SMAP1: variants seen among roughly 807,000 people sequenced by gnomAD.
The protein encoded by SMAP1 is stromal membrane-associated protein 1.
A neutral mutation model predicts 58.5 loss-of-function variants in SMAP1; 24 were observed. The ratio of observed to expected loss-of-function variants is 0.41; its 90% CI spans 0.30 to 0.58. SMAP1 has a LOEUF of 0.58. SMAP1 is among the 20% of genes least tolerant of loss of function. The pLI is 0.29. For missense variants in SMAP1, 563 were observed against 566.3 expected (o/e 0.99, Z 0.06); for synonymous variants, 216 against 196.6 (o/e 1.10, Z -0.82).
chr6:70,790,124 T>C (rs1235998858), intron 4 of SMAP1, among the ~76,000 whole-genome samples: 1 of 152,194 alleles, frequency 6.6e-6, no homozygotes, highest in East Asian at 1.9e-4. Flanking sequence ...AAAGTGATCG[T>C]ACGGCTTTTT....
intron 3 of SMAP1, among the ~76,000 whole-genome samples, chr6:70,766,815 C>T (rs1562144437): frequency 6.6e-6 from 1 of 152,124 alleles, no homozygotes; most frequent in Non-Finnish European, 1.5e-5. Flanking sequence ...ACATGAAGTC[C>T]TTGCCCATGC....
chr6:70,690,685 CTT>C (rs1020931155), intron 1 of SMAP1, among the ~76,000 whole-genome samples: 1 of 124,538 alleles, frequency 8.0e-6, no homozygotes. Context: ...CTTGATGTAT[CTT>C]TTATATATAT....
At chr6:70,757,943 A>G (rs1373339316) in intron 3 of SMAP1, among the ~76,000 whole-genome samples, 1 of 152,156 alleles carries the variant, frequency 6.6e-6, no homozygotes, top group African/African-American at 2.4e-5. Context: ...TAGTTCAACC[A>G]TTGTGGAAGT....
intron 5 of SMAP1, among the ~76,000 whole-genome samples, chr6:70,792,769 C>G (rs771147098): frequency 1.2e-4 from 18 of 152,108 alleles, no homozygotes; most frequent in East Asian, 3.9e-4. Context: ...CATGAAGGAG[C>G]CTTCTCATGA....
intron 1 of SMAP1, among the ~76,000 whole-genome samples, chr6:70,729,591 A>G (rs923066663): frequency 2.0e-5 from 3 of 151,736 alleles, no homozygotes; most frequent in East Asian, 1.9e-4. Context: ...AAAGCATTCA[A>G]TGGATCTCCT....
Position 70,852,568 on chromosome 6 carries a change from C to T in SMAP1, c.693C>T (p.Asn231=), listed in dbSNP as rs775939987. ...LDGPAVAPVT[N]GNTTVPPLND... Reference sequence around the variant, plus strand: ...GCCCTGCTGTGGCACCAGTGACCAACGGGAACACAACGGTGCCACCCCTGA... The same window carrying T: ...GCCCTGCTGTGGCACCAGTGACCAATGGGAACACAACGGTGCCACCCCTGA... The change falls in exon 8 of 11, where the codon AAC becomes AAT. Residue 231 remains asparagine, a synonymous_variant. Transcript: ENST00000370455. The T allele has an allele frequency of 5.6e-6, 9 of 1,603,760 alleles. No homozygotes were observed. Among genetic ancestry groups the T allele is most frequent in the Admixed American group, 5.1e-5 (3 of 58,736 alleles).
intron 2 of SMAP1, among the ~76,000 whole-genome samples, chr6:70,738,682 T>C (rs141605368): frequency 3.7e-4 from 57 of 152,330 alleles, no homozygotes; most frequent in Admixed American, 1.6e-3. Context: ...CTTTGCTGTA[T>C]TCTGTGGCCT....
At chr6:70,860,043 T>G (rs1053485257) in intron 10 of SMAP1, 157 bp from the exon 11 acceptor site, 42 of 707,398 alleles carry the variant, frequency 5.9e-5, no homozygotes, top group Non-Finnish European at 6.5e-5. Flanking sequence ...ACAAAGTAGC[T>G]ATTTGCTTTA....
intron 6 of SMAP1, among the ~76,000 whole-genome samples, chr6:70,833,879 TTC>T (rs1395150651): frequency 2.0e-5 from 3 of 152,236 alleles, no homozygotes; most frequent in Admixed American, 6.5e-5. Flanking sequence ...TGTTTAGGAT[TTC>T]TCTTATTCTC....
intron 6 of SMAP1, among the ~76,000 whole-genome samples, chr6:70,834,319 G>A (rs1035238312): frequency 1.4e-5 from 2 of 147,302 alleles, no homozygotes; most frequent in African/African-American, 5.0e-5. Context: ...TTCCTCACAA[G>A]TTTAGTTTGT....
chr6:70,860,051 T>C, intron 10 of SMAP1, 149 bp from the exon 11 acceptor site: 1 of 824,306 alleles, frequency 1.2e-6, no homozygotes, highest in Non-Finnish European at 1.8e-6. Context: ...GCTATTTGCT[T>C]TAAGAAATAT....
chr6:70,777,393 C>T (rs1467416374), intron 4 of SMAP1, among the ~76,000 whole-genome samples: 1 of 152,086 alleles, frequency 6.6e-6, no homozygotes, highest in Non-Finnish European at 1.5e-5. Context: ...TTTTTATGTA[C>T]TTGTTGGCCA....
chr6:70,852,633 C>T lies in SMAP1; in HGVS notation c.758C>T (p.Pro253Leu). The T allele has an allele frequency of 2.5e-6, 4 of 1,608,362 alleles. No homozygotes were observed. Among genetic ancestry groups the T allele is most frequent in the Non-Finnish European group, 3.4e-6 (4 of 1,177,234 alleles). The stretch of plus-strand genomic sequence containing the variant: ...ATCTTTGGACCGATGATTTCTAATC[C>T]CTTACCTGCAACTGTCATGCCCCCA... ...LDIFGPMISN[P>L]LPATVMPPAQ... Residue 253 changes from proline to leucine, a missense_variant, in exon 8 of 11, where the codon CCC becomes CTC. Pro to Leu is a moderately conservative substitution (Grantham distance 98). This residue lies in a region of SMAP1 where 494 missense variants were observed against 473.8 expected (regional missense o/e 1.04). Transcript: ENST00000370455.
intron 1 of SMAP1, among the ~76,000 whole-genome samples, chr6:70,718,055 GCT>G (rs1768347599): frequency 6.6e-6 from 1 of 151,908 alleles, no homozygotes; most frequent in Admixed American, 6.6e-5. Context: ...CTCCCCACAA[GCT>G]CCACAAGCTC....
chr6:70,824,315 A>G (rs1404589584), intron 6 of SMAP1, among the ~76,000 whole-genome samples: 2 of 151,972 alleles, frequency 1.3e-5, no homozygotes, highest in Non-Finnish European at 2.9e-5. Context: ...TATGATAGCT[A>G]TTATTATTAT....
At chr6:70,799,612 G>A (rs1369535502) in intron 6 of SMAP1, among the ~76,000 whole-genome samples, 1 of 152,080 alleles carries the variant, frequency 6.6e-6, no homozygotes, top group Non-Finnish European at 1.5e-5. Flanking sequence ...GGCATAAATT[G>A]GATACTGCAA....
At chr6:70,697,262 T>A (rs1350399767) in intron 1 of SMAP1, among the ~76,000 whole-genome samples, 1 of 152,138 alleles carries the variant, frequency 6.6e-6, no homozygotes, top group Non-Finnish European at 1.5e-5. Context: ...TACTGCCATT[T>A]TGTTATTTGT....
At chr6:70,714,753 A>G (rs1298855453) in intron 1 of SMAP1, among the ~76,000 whole-genome samples, 2 of 152,184 alleles carry the variant, frequency 1.3e-5, no homozygotes, top group Admixed American at 6.5e-5. Flanking sequence ...TTTCATTTCA[A>G]CTTGAATAAC....
intron 1 of SMAP1, among the ~76,000 whole-genome samples, chr6:70,683,196 C>T (rs780429320): frequency 4.7e-5 from 6 of 128,234 alleles, no homozygotes; most frequent in Non-Finnish European, 8.0e-5. Flanking sequence ...CTTGAGGCGG[C>T]GTCTCACTCT....
Sources: allele counts gnomAD v4.1 joint callset (sites outside exome capture counted in the v4.1 genomes callset), GRCh38; gene constraint gnomAD v4.1.1; regional missense constraint gnomAD v4.1.1; transcripts MANE v1.5; gene names NCBI Gene and HGNC (gene_info 2026-07-23, HGNC 2026-07-21).